The following PCSK7 variants were observed in gnomAD, a reference collection of about 807,000 sequenced individuals.
PCSK7 encodes lymphoma proprotein convertase.
A neutral mutation model predicts 73.3 loss-of-function variants in PCSK7; 38 were observed. That is an observed-to-expected ratio of 0.52 (90% CI 0.40 to 0.68). PCSK7 has a LOEUF of 0.68. PCSK7 is among the 30% of genes least tolerant of loss of function. The pLI is 0.00. For synonymous variants in PCSK7, 296 were observed against 383.8 expected, an observed-to-expected ratio of 0.77 and a Z score of 2.68; for missense variants, 692 against 991.5, an observed-to-expected ratio of 0.70 and a Z score of 4.06.
In PCSK7 at chr11:117,204,371, C is replaced by T; in HGVS notation, c.*1626G>A. ...AGATCATCAGTTAGAGCGGAGAGGGCTAGCCCTGAGCCCGGCCCTCCCCCA... is the reference window on the plus strand; with the variant it reads ...AGATCATCAGTTAGAGCGGAGAGGGTTAGCCCTGAGCCCGGCCCTCCCCCA... On this transcript the variant is annotated 3_prime_UTR_variant, in exon 17 of 17. Transcript: ENST00000320934. 1.2e-6 allele frequency: 2 copies of T among 1,614,230 alleles called. No individual in the cohort carries two copies. The highest frequency in any genetic ancestry group is 1.7e-6 in the Non-Finnish European group (2 of 1,180,028).
At chr11:117,215,380 G>GTGTGTGTGTGTGTGTGTATA (rs1164738557) in intron 12 of PCSK7, 60 of 55,882 alleles carry the variant, frequency 1.1e-3, no homozygotes, top group African/African-American at 6.8e-3. Flanking sequence ...GTGTGTGTGT[G>GTGTGTGTGTGTGTGTGTATA]TATATATATA....
rs2031335634 is a variant in PCSK7 at position 117,205,781 on chromosome 11, A to C, written c.*216T>G. On this transcript the variant is annotated 3_prime_UTR_variant, in exon 17 of 17. Transcript: ENST00000320934. The stretch of plus-strand genomic sequence containing the variant: ...ATCCCCTGTCCAACACCTTCTCACC[A>C]AAAGCTCCCGTTTGGCTGGAGGCAG... 4.5e-6 allele frequency: 2 copies of C among 444,656 alleles called. No individual in the cohort carries two copies. Among genetic ancestry groups the C allele is most frequent in the Non-Finnish European group, 8.0e-6 (2 of 250,186 alleles). The allele number at this position is 444,656 out of a possible 1,614,324, so 27.5% of individuals were successfully genotyped here. A position where few individuals can be genotyped will look rare whatever the true frequency, so the allele number is the denominator to read the frequency against.
At position 117,231,466 on chromosome 11, in the gene PCSK7, C is replaced by T. The variant is rs142045611; in HGVS notation, c.-133+561G>A. On this transcript the variant is annotated intron_variant, in intron 1 of 16. Coordinates refer to ENST00000320934, the MANE Select transcript of PCSK7 (RefSeq NM_004716.4). ...AAGTAAACAAACTAACAAACAAAACCCTTGTTAGCCAGACAGTGGCCCCGC... is the reference window on the plus strand; with the variant it reads ...AAGTAAACAAACTAACAAACAAAACTCTTGTTAGCCAGACAGTGGCCCCGC... 7.2e-3 allele frequency among the ~76,000 whole-genome samples: 1,098 copies of T among 152,240 alleles called. 6 individuals are homozygous for T. Among genetic ancestry groups the T allele is most frequent in the African/African-American group, 0.025 (1,035 of 41,520 alleles).
chr11:117,223,161 G>A, intron 9 of PCSK7, 47 bp downstream of exon 9: 1 of 1,086,144 alleles, frequency 9.2e-7, no homozygotes, highest in Non-Finnish European at 1.4e-6. Flanking sequence ...GAGACGTGAA[G>A]TCTTGTGGGA....
intron 12 of PCSK7, chr11:117,213,063 C>T (rs1391887020): frequency 2.6e-5 from 4 of 152,260 alleles, no homozygotes; most frequent in Admixed American, 2.0e-4. Context: ...TGGCAGGAGA[C>T]ATCTCTCTGC....
At position 117,204,363 on chromosome 11, in the gene PCSK7, G is replaced by C; in HGVS notation, c.*1634C>G. ...ACCTCGGCAGATCATCAGTTAGAGC[G>C]GAGAGGGCTAGCCCTGAGCCCGGCC... On this transcript the variant is annotated 3_prime_UTR_variant, in exon 17 of 17. Transcript: ENST00000320934. The C allele has an allele frequency of 1.2e-6, 2 of 1,614,138 alleles. No individual in the cohort carries two copies. Among genetic ancestry groups the C allele is most frequent in the Non-Finnish European group, 1.7e-6 (2 of 1,180,038 alleles).
intron 6 of PCSK7, chr11:117,225,509 C>G (rs2032388372): frequency 5.1e-6 from 1 of 195,630 alleles, no homozygotes; most frequent in African/African-American, 2.3e-5. Flanking sequence ...GGGGGAGGAA[C>G]AGGTGCCATC....
At chr11:117,219,907 C>G (rs12802377) in intron 9 of PCSK7, 149 bp from the exon 10 acceptor site, 3 of 522,592 alleles carry the variant, frequency 5.7e-6, no homozygotes, top group Middle Eastern at 4.3e-4. Flanking sequence ...GCACTCCAGC[C>G]TAGGTGGCTG....
intron 12 of PCSK7, chr11:117,217,850 G>A (rs1255208342): frequency 6.6e-6 from 1 of 152,186 alleles, no homozygotes; most frequent in African/African-American, 2.4e-5. Context: ...TCTCCTCTAG[G>A]GAGGGCGTCC....
Position 117,209,069 on chromosome 11 carries a change from CT to C in PCSK7, c.1535-17del, listed in dbSNP as rs761414794. The C allele has an allele frequency of 5.9e-6, 9 of 1,523,524 alleles. No homozygotes were observed. The South Asian group carries it at 1.1e-4, about 18-fold the overall frequency. 94.4% of individuals were successfully genotyped at this position (1,523,524 alleles called of 1,614,324 possible). On this transcript the variant is annotated splice_polypyrimidine_tract_variant and intron_variant, in intron 12 of 16. Coordinates refer to ENST00000320934, the MANE Select transcript of PCSK7 (RefSeq NM_004716.4). ...ATCCTGCTGACTGTAGAAAGTCAGGCTGGGCAGCTGGGAAACCAGCCCACAA... is the reference window on the plus strand; with the variant it reads ...ATCCTGCTGACTGTAGAAAGTCAGGCGGGCAGCTGGGAAACCAGCCCACAA...
intron 9 of PCSK7, chr11:117,222,141 G>C (rs931238130): frequency 2.0e-5 from 3 of 152,280 alleles, no homozygotes; most frequent in Non-Finnish European, 4.4e-5. Context: ...CTCCAGCCCA[G>C]CTCCTGCCTA....
In PCSK7 at chr11:117,205,433, G is replaced by C. The variant is rs141169008; in HGVS notation, c.*564C>G. ...TGGGGGAGCCGTGTGTATCCCAGCT[G>C]TGCCGGCAGCATCATACCAATCGTG... On this transcript the variant is annotated 3_prime_UTR_variant, in exon 17 of 17. Coordinates refer to ENST00000320934, the MANE Select transcript of PCSK7 (RefSeq NM_004716.4). 7.6e-4 allele frequency: 178 copies of C among 233,900 alleles called. 1 individual carries two copies. Among genetic ancestry groups the C allele is most frequent in the African/African-American group, 3.8e-3 (175 of 45,486 alleles). 14.5% of individuals were successfully genotyped at this position (233,900 alleles called of 1,614,324 possible). A position where few individuals can be genotyped will look rare whatever the true frequency, so the allele number is the denominator to read the frequency against.
rs1402695953 is a variant in PCSK7, at chr11:117,229,429, G to A, written c.416C>T (p.Ala139Val). The change falls in exon 3 of 17, where the codon GCC becomes GTC. Residue 139 changes from alanine (A) to valine (V), a missense_variant. Ala to Val is a moderately conservative substitution (Grantham distance 64). This residue lies in a region of PCSK7 where 574 missense variants were observed against 689.8 expected (regional missense o/e 0.83). Coordinates refer to ENST00000320934, the MANE Select transcript of PCSK7 (RefSeq NM_004716.4). ...WHSEQRLLRR[A>V]KRSVHFNDPK... ...GTCGTTGAAGTGGACGCTGCGCTTG[G>A]CCCGCCTTAGCAGCCTCTGCTCTGA... 1 of 1,609,780 alleles carries A rather than the reference G, an allele frequency of 6.2e-7. No individual in the cohort carries two copies. The highest frequency in any genetic ancestry group is 1.1e-5 in the South Asian group (1 of 91,084).
rs147697915 is a variant in PCSK7 at position 117,229,689 on chromosome 11, C to T, written c.156G>A (p.Pro52=). 5.6e-4 allele frequency: 900 copies of T among 1,613,868 alleles called. No homozygotes were observed. The highest frequency in any genetic ancestry group is 7.0e-4 in the Non-Finnish European group (825 of 1,179,804). Residue 52 remains proline, a synonymous_variant, in exon 3 of 17, where the codon CCG becomes CCA. Coordinates refer to ENST00000320934, the MANE Select transcript of PCSK7 (RefSeq NM_004716.4). ...GGPDGQGTGG[P]SWAVHLESLE... is the part of the protein sequence containing the mutation. Reference sequence around the variant, plus strand: ...GGCTTTCCAGGTGCACAGCCCAGCTCGGCCCCCCTGTGCCCTGGCCATCAG... The same window carrying T: ...GGCTTTCCAGGTGCACAGCCCAGCTTGGCCCCCCTGTGCCCTGGCCATCAG...
Position 117,218,533 on chromosome 11 carries a change from G to A in PCSK7, c.1467C>T (p.Val489=). The A allele has an allele frequency of 6.2e-7, 1 of 1,610,148 alleles. No individual in the cohort carries two copies. Among genetic ancestry groups the A allele is most frequent in the Non-Finnish European group, 8.5e-7 (1 of 1,177,912 alleles). The stretch of plus-strand genomic sequence containing the variant: ...CCTTGTTTTCTTTTAACACGGGACT[G>A]ACGTAGGATGCTAAGTAAGGGACAG... ...WTSVPYLASY[V]SPVLKENKAI... is the part of the protein sequence containing the mutation. Residue 489 remains valine, a synonymous_variant, in exon 12 of 17, where the codon GTC becomes GTT. Transcript: ENST00000320934. This position sits in a 1 kb window ranked among gnomAD's most constrained non-coding sequence, Gnocchi z 4.0.
rs1456414993 is a variant in PCSK7, at chr11:117,205,263, C to G, written c.*734G>C. 1.3e-5 allele frequency: 3 copies of G among 233,668 alleles called. No individual in the cohort carries two copies. The highest frequency in any genetic ancestry group is 2.5e-5 in the Non-Finnish European group (3 of 118,092). 14.5% of individuals were successfully genotyped at this position (233,668 alleles called of 1,614,324 possible). A position where few individuals can be genotyped will look rare whatever the true frequency, so the allele number is the denominator to read the frequency against. On this transcript the variant is annotated 3_prime_UTR_variant, in exon 17 of 17. Coordinates refer to ENST00000320934, the MANE Select transcript of PCSK7 (RefSeq NM_004716.4). ...GATAGCTGGCCTCCGGCGGGAAGGCCATTTCCCTGAGCACTTGCAGAGGAA... is the reference window on the plus strand; with the variant it reads ...GATAGCTGGCCTCCGGCGGGAAGGCGATTTCCCTGAGCACTTGCAGAGGAA...
rs954692705 is a variant in PCSK7, at chr11:117,218,923, G to T, written c.1431+134C>A. On this transcript the variant is annotated intron_variant, in intron 11 of 16. Transcript: ENST00000320934. This position sits in a 1 kb window ranked among gnomAD's most constrained non-coding sequence, Gnocchi z 4.0. ...TAAAATGGATATCAGCTGGGATGAAGGTTGAAGTTGTTAAATCAATGAACT... is the reference window on the plus strand; with the variant it reads ...TAAAATGGATATCAGCTGGGATGAATGTTGAAGTTGTTAAATCAATGAACT... The T allele has an allele frequency of 8.2e-6, 5 of 609,912 alleles. No individual in the cohort carries two copies. Among genetic ancestry groups the T allele is most frequent in the Admixed American group, 2.9e-5 (1 of 34,302 alleles). 37.8% of individuals were successfully genotyped at this position (609,912 alleles called of 1,614,324 possible). A position where few individuals can be genotyped will look rare whatever the true frequency, so the allele number is the denominator to read the frequency against.
chr11:117,206,381 T>G (rs753671684), intron 16 of PCSK7, 25 bp from the exon 17 acceptor site: 1 of 1,586,980 alleles, frequency 6.3e-7, no homozygotes, highest in African/African-American at 1.3e-5. Flanking sequence ...AGCACCTACG[T>G]GAGGCACTGT....
At chr11:117,219,337 T>C (rs1348163131) in intron 10 of PCSK7, 173 bp from the exon 11 acceptor site, 10 of 636,734 alleles carry the variant, frequency 1.6e-5, no homozygotes, top group Non-Finnish European at 2.4e-5. Context: ...GCCCATGATG[T>C]CACCACCCCA....
Sources: gnomAD v4.1 joint callset for allele counts (sites outside exome capture counted in the v4.1 genomes callset) on GRCh38, gnomAD v4.1.1 for gene constraint, gnomAD v4.1.1 regional missense constraint, Gnocchi (gnomAD v3.1) non-coding constraint, MANE v1.5 for transcripts, NCBI Gene and HGNC (gene_info 2026-07-23, HGNC 2026-07-21) for gene names.